GDPD4: variants seen among roughly 807,000 people sequenced by gnomAD.
The protein encoded by GDPD4 is glycerophosphodiester phosphodiesterase domain containing 4.
Under a neutral mutation model 67.8 loss-of-function variants are expected in GDPD4, and 60 were observed. The observed-to-expected ratio is 0.88, with a 90% confidence interval of 0.72 to 1.10. The LOEUF (loss-of-function observed/expected upper bound fraction) is 1.10, where lower values mean the gene tolerates loss of function less well. Among genes scored for constraint, GDPD4 ranks in the 50% least tolerant of loss-of-function variants. The pLI, the probability that GDPD4 is intolerant of heterozygous loss-of-function variation, is 0.00. For missense variants in GDPD4, 623 were observed against 613.9 expected (o/e 1.01, Z -0.16); for synonymous variants, 212 against 210.9 (o/e 1.00, Z -0.04).
At chr11:77,230,488 G>T (rs1327900954) in intron 14 of GDPD4, among the ~76,000 whole-genome samples, 1 of 152,186 alleles carries the variant, frequency 6.6e-6, no homozygotes, top group Non-Finnish European at 1.5e-5. Flanking sequence ...AAGGGTTTGA[G>T]GGATTATAAA....
At chr11:77,278,855 G>C (rs1334158133) in intron 4 of GDPD4, among the ~76,000 whole-genome samples, 1 of 152,132 alleles carries the variant, frequency 6.6e-6, no homozygotes, top group African/African-American at 2.4e-5. Flanking sequence ...CTTTGCATCT[G>C]GGCTAGGTGA....
chr11:77,262,854 C>CA (rs67911054), intron 10 of GDPD4, among the ~76,000 whole-genome samples: 38,832 of 66,272 alleles, frequency 0.59, 11,700 homozygotes, highest in South Asian at 0.74. Flanking sequence ...TTCTCTGCTG[C>CA]AAAAAAAAAA....
At chr11:77,286,377 G>C (rs1959994711) in intron 2 of GDPD4, among the ~76,000 whole-genome samples, 1 of 152,184 alleles carries the variant, frequency 6.6e-6, no homozygotes, top group Non-Finnish European at 1.5e-5. Context: ...CTTGAGAGCA[G>C]GAACCATGCC....
At chr11:77,272,392 CAG>C (rs1959256481) in intron 5 of GDPD4, among the ~76,000 whole-genome samples, 1 of 152,122 alleles carries the variant, frequency 6.6e-6, no homozygotes, top group South Asian at 2.1e-4. Flanking sequence ...GTTGAATTGC[CAG>C]AGTCATAAGA....
chr11:77,249,687 C>T (rs111514128), intron 11 of GDPD4, among the ~76,000 whole-genome samples: 2,468 of 152,266 alleles, frequency 0.016, 22 homozygotes, highest in African/African-American at 0.026. Flanking sequence ...TGAACCATCA[C>T]TGACAAATTC....
chr11:77,216,704 T>C lies in GDPD4; in HGVS notation c.*573A>G, dbSNP rs117055086. ...CCCTTGCCTAGCCCCTTGAGATGCA[T>C]TCTTGATAGCGAGAGCACAATGGTT... On this transcript the variant is annotated 3_prime_UTR_variant, in exon 17 of 17. Transcript: ENST00000315938. 1.6e-3 allele frequency: 883 copies of C among 567,246 alleles called. 13 individuals are homozygous for C. In the East Asian group the frequency reaches 0.023, roughly 15 times the overall value. 35.1% of individuals were successfully genotyped at this position (567,246 alleles called of 1,614,324 possible). A position where few individuals can be genotyped will look rare whatever the true frequency, so the allele number is the denominator to read the frequency against.
At chr11:77,243,455 C>A (rs1251831273) in intron 13 of GDPD4, among the ~76,000 whole-genome samples, 1 of 134,306 alleles carries the variant, frequency 7.4e-6, no homozygotes, top group African/African-American at 2.9e-5. Context: ...TTAGAGTACA[C>A]AGCAGAGGCT....
At chr11:77,284,688 G>A (rs948475742) in intron 3 of GDPD4, among the ~76,000 whole-genome samples, 1 of 152,146 alleles carries the variant, frequency 6.6e-6, no homozygotes, top group Non-Finnish European at 1.5e-5. Context: ...GAGAGGAAGA[G>A]GGTATAGGAG....
At chr11:77,234,500 C>T (rs1036358522) in intron 13 of GDPD4, among the ~76,000 whole-genome samples, 3 of 152,148 alleles carry the variant, frequency 2.0e-5, no homozygotes, top group South Asian at 4.1e-4. Flanking sequence ...CCCTGTCTCT[C>T]CCTCCTCCAT....
chr11:77,293,885 A>G (rs1037354312), intron 1 of GDPD4, among the ~76,000 whole-genome samples: 4 of 152,192 alleles, frequency 2.6e-5, no homozygotes, highest in Non-Finnish European at 5.9e-5. Context: ...ACCTTGTTCA[A>G]CATTGTACTG....
In GDPD4 at chr11:77,279,586, T is replaced by C. The variant is rs934807064; in HGVS notation, c.54-187A>G. 6.3e-5 allele frequency among the ~76,000 whole-genome samples: 9 copies of C among 143,030 alleles called. No homozygotes were observed. The East Asian group carries it at 7.8e-4, about 12-fold the overall frequency. 93.8% of individuals were successfully genotyped at this position (143,030 alleles called of 152,430 possible). On this transcript the variant is annotated intron_variant, in intron 3 of 16. Transcript: ENST00000315938. ...TTTTAAAGTTGTGTTCTGTAGGCAATTGGGGATGTTCATGGGGTCTGTAAA... is the reference window on the plus strand; with the variant it reads ...TTTTAAAGTTGTGTTCTGTAGGCAACTGGGGATGTTCATGGGGTCTGTAAA...
intron 16 of GDPD4, among the ~76,000 whole-genome samples, chr11:77,217,743 T>C (rs1958151591): frequency 6.6e-6 from 1 of 152,108 alleles, no homozygotes; most frequent in Non-Finnish European, 1.5e-5. Flanking sequence ...AATAAACAAT[T>C]TCTGTCCAAC....
intron 13 of GDPD4, among the ~76,000 whole-genome samples, chr11:77,236,732 ACACAC>A (rs1958576201): frequency 6.6e-6 from 1 of 151,452 alleles, no homozygotes; most frequent in Non-Finnish European, 1.5e-5. Context: ...AGAAGGAAAC[ACACAC>A]ACACACACAC....
At chr11:77,258,727 A>G (rs1169076588) in intron 10 of GDPD4, among the ~76,000 whole-genome samples, 185 bp from the exon 11 acceptor site, 1 of 152,174 alleles carries the variant, frequency 6.6e-6, no homozygotes, top group Non-Finnish European at 1.5e-5. Flanking sequence ...TTTCTGCTCT[A>G]GGGATCAATC....
chr11:77,254,191 T>G (rs1260836438), intron 11 of GDPD4, among the ~76,000 whole-genome samples: 1 of 152,164 alleles, frequency 6.6e-6, no homozygotes, highest in Admixed American at 6.5e-5. Flanking sequence ...CTACCCCAGC[T>G]GGGCTTAGGG....
chr11:77,276,385 T>C (rs766110608), intron 4 of GDPD4, among the ~76,000 whole-genome samples, 165 bp from the exon 5 acceptor site: 6 of 152,152 alleles, frequency 3.9e-5, no homozygotes, highest in South Asian at 2.1e-4. Flanking sequence ...GTTGTTTGCC[T>C]GAAAAAGCTC....
chr11:77,258,098 T>C (rs917796987), intron 11 of GDPD4, among the ~76,000 whole-genome samples: 6 of 152,230 alleles, frequency 3.9e-5, no homozygotes, highest in African/African-American at 1.4e-4. Context: ...ATGTACATGT[T>C]AGCCATACTG....
At chr11:77,277,803 C>T (rs574297290) in intron 4 of GDPD4, among the ~76,000 whole-genome samples, 21 of 151,610 alleles carry the variant, frequency 1.4e-4, no homozygotes, top group Non-Finnish European at 2.4e-4. Context: ...GCTCTTGCTT[C>T]TCTAGTTCTT....
At chr11:77,218,679 G>C (rs1591521270) in intron 16 of GDPD4, among the ~76,000 whole-genome samples, 2 of 152,100 alleles carry the variant, frequency 1.3e-5, no homozygotes, top group African/African-American at 4.8e-5. Flanking sequence ...TCAGAATGAC[G>C]GTTTCCAGCT....
Sources: gnomAD v4.1 joint callset for allele counts (sites outside exome capture counted in the v4.1 genomes callset) on GRCh38, gnomAD v4.1.1 for gene constraint, MANE v1.5 for transcripts, NCBI Gene and HGNC (gene_info 2026-07-23, HGNC 2026-07-21) for gene names.